AFF3: variants seen among roughly 807,000 people sequenced by gnomAD.
AFF3 encodes the protein AF4/FMR2 family member 3.
AFF3 carries 32 observed loss-of-function variants against 129.7 expected under a neutral mutation model. The observed-to-expected ratio is 0.25, with a 90% CI of 0.19 to 0.33. The LOEUF (loss-of-function observed/expected upper bound fraction) is 0.33, where lower values mean the gene tolerates loss of function less well. Ranked by LOEUF, AFF3 falls within the 10% of genes least tolerant of loss-of-function variation. AFF3 has a pLI of 1.00. For missense variants in AFF3, 1,373 were observed against 1,592.0 expected, an observed-to-expected ratio of 0.86 and a Z score of 2.34; for synonymous variants, 644 against 635.4, an observed-to-expected ratio of 1.01 and a Z score of -0.20.
In AFF3 at chr2:99,832,918, C is replaced by A. The variant is rs1688608068; in HGVS notation, c.921+4559G>T. On this transcript the variant is annotated intron_variant, in intron 8 of 24. Coordinates refer to ENST00000672756, the MANE Select transcript of AFF3 (RefSeq NM_001386135.1). Reference sequence around the variant, plus strand: ...ATGATGAAATCTTTGCTCTTGGAAACAAATGAAATAACTTATAAAGGAAAC... The same window carrying A: ...ATGATGAAATCTTTGCTCTTGGAAAAAAATGAAATAACTTATAAAGGAAAC... 2.6e-5 allele frequency among the ~76,000 whole-genome samples: 4 copies of A among 151,982 alleles called. No homozygotes were observed. The South Asian group carries it at 8.3e-4, about 31-fold the overall frequency.
chr2:99,994,370 A>G (rs1446319552), intron 7 of AFF3, among the ~76,000 whole-genome samples: 2 of 152,214 alleles, frequency 1.3e-5, no homozygotes, highest in Non-Finnish European at 2.9e-5. Flanking sequence ...AGAGGTAAAA[A>G]AAGTGAGACA....
chr2:99,755,600 T>A lies in AFF3; in HGVS notation c.922-3299A>T, dbSNP rs547650824. On this transcript the variant is annotated intron_variant, in intron 8 of 24. Transcript: ENST00000672756. ...TTTTTTAAAGGCAACTGGGCAATCT[T>A]ATGGGCACCCCCAAGCATTTCTTTT... is the stretch of plus-strand genomic sequence containing the variant. Among the ~76,000 whole-genome samples the A allele has an allele frequency of 7.9e-5, 12 of 152,242 alleles. No homozygotes were observed. In the South Asian group the frequency reaches 2.5e-3, roughly 32 times the overall value.
intron 4 of AFF3, among the ~76,000 whole-genome samples, chr2:100,011,096 A>G (rs1021391401): frequency 3.4e-4 from 51 of 152,094 alleles, no homozygotes; most frequent in Non-Finnish European, 6.3e-4. Context: ...AACACGGTGA[A>G]ACCCCATTTC....
At chr2:99,788,779 T>C (rs1373320161) in intron 8 of AFF3, among the ~76,000 whole-genome samples, 3 of 152,208 alleles carry the variant, frequency 2.0e-5, no homozygotes, top group African/African-American at 7.2e-5. Context: ...CAGAGCAACT[T>C]CCAGTCCTGT....
At chr2:99,968,444 G>A (rs1252491891) in intron 7 of AFF3, among the ~76,000 whole-genome samples, 1 of 152,198 alleles carries the variant, frequency 6.6e-6, no homozygotes, top group Non-Finnish European at 1.5e-5. Context: ...AATCATGCAA[G>A]ATGAAAGGAT....
chr2:99,675,929 A>T (rs1408403060), intron 11 of AFF3, among the ~76,000 whole-genome samples: 1 of 152,126 alleles, frequency 6.6e-6, no homozygotes, highest in African/African-American at 2.4e-5. Context: ...AGTAAAAGGA[A>T]GATGCAAATT....
intron 7 of AFF3, among the ~76,000 whole-genome samples, chr2:99,972,477 T>A (rs1358874905): frequency 6.6e-6 from 1 of 152,146 alleles, no homozygotes; most frequent in Non-Finnish European, 1.5e-5. Context: ...AGACAAAGAG[T>A]GACACCACAC....
At chr2:99,897,597 A>C (rs1295127680) in intron 7 of AFF3, among the ~76,000 whole-genome samples, 2 of 152,144 alleles carry the variant, frequency 1.3e-5, no homozygotes, top group African/African-American at 4.8e-5. Flanking sequence ...CCGGCTTCTT[A>C]TCTCACCTTG....
intron 7 of AFF3, among the ~76,000 whole-genome samples, chr2:99,963,738 G>T (rs550146638): frequency 6.6e-6 from 1 of 151,748 alleles, no homozygotes; most frequent in Non-Finnish European, 1.5e-5. Context: ...GAAGAATGAG[G>T]AGTCAGAAAA....
At chr2:99,939,857 G>T (rs1281142078) in intron 7 of AFF3, among the ~76,000 whole-genome samples, 1 of 152,150 alleles carries the variant, frequency 6.6e-6, no homozygotes, top group African/African-American at 2.4e-5. Flanking sequence ...TTTCCGCTGG[G>T]ATAGTTTTAA....
intron 7 of AFF3, among the ~76,000 whole-genome samples, chr2:99,912,448 C>A (rs1246598222): frequency 6.6e-6 from 1 of 152,166 alleles, no homozygotes; most frequent in African/African-American, 2.4e-5. Context: ...TACAACTATG[C>A]TGTATGTCCC....
intron 13 of AFF3, among the ~76,000 whole-genome samples, chr2:99,627,610 G>A (rs1575543890): frequency 6.6e-6 from 1 of 152,066 alleles, no homozygotes; most frequent in Non-Finnish European, 1.5e-5. Flanking sequence ...TGCTTTTATT[G>A]CAATTGCTTT....
intron 7 of AFF3, among the ~76,000 whole-genome samples, chr2:99,862,337 A>G (rs1691056869): frequency 1.3e-5 from 2 of 152,126 alleles, no homozygotes; most frequent in Non-Finnish European, 2.9e-5. Context: ...TCATCCATAG[A>G]TAATGTCCGG....
chr2:99,785,576 C>T (rs922943335), intron 8 of AFF3, among the ~76,000 whole-genome samples: 3 of 152,040 alleles, frequency 2.0e-5, no homozygotes, highest in South Asian at 2.1e-4. Context: ...TTTTATTTCC[C>T]CTTAGATTTC....
intron 10 of AFF3, among the ~76,000 whole-genome samples, chr2:99,734,719 T>C (rs1680108408): frequency 1.3e-5 from 2 of 152,104 alleles, no homozygotes; most frequent in African/African-American, 4.8e-5. Context: ...GTACAGTTTC[T>C]TAATTATGAG....
chr2:99,623,224 C>T (rs1040792930), intron 13 of AFF3, among the ~76,000 whole-genome samples: 1 of 151,480 alleles, frequency 6.6e-6, no homozygotes, highest in African/African-American at 2.4e-5. Flanking sequence ...ATCAGCTTCC[C>T]CATTCCTGGA....
intron 7 of AFF3, among the ~76,000 whole-genome samples, chr2:99,997,482 C>CA (rs975691837): frequency 1.3e-5 from 2 of 151,848 alleles, no homozygotes; most frequent in Admixed American, 1.3e-4. Context: ...ATCACCCCCC[C>CA]CCCAGATTAG....
chr2:99,695,554 G>A (rs1273218301), intron 11 of AFF3, among the ~76,000 whole-genome samples: 1 of 152,136 alleles, frequency 6.6e-6, no homozygotes, highest in African/African-American at 2.4e-5. Context: ...TCCTGTAAAA[G>A]CTCTGATTTT....
rs1330515838 is a variant in AFF3, at chr2:100,055,014, T to A, written c.54-46082A>T. On this transcript the variant is annotated intron_variant, in intron 4 of 24. Coordinates refer to ENST00000672756, the MANE Select transcript of AFF3 (RefSeq NM_001386135.1). ...CCTGCTTTCACTGTAATTATGTCAA[T>A]GTAGGCTGAGATTGCCTTGGTTGTT... Among the ~76,000 whole-genome samples, 6 of 152,228 alleles carry A rather than the reference T, an allele frequency of 3.9e-5. No homozygotes were observed. The South Asian group carries it at 1.0e-3, about 26-fold the overall frequency.
Sources: allele counts gnomAD v4.1 joint callset (sites outside exome capture counted in the v4.1 genomes callset), GRCh38; gene constraint gnomAD v4.1.1; transcripts MANE v1.5; gene names NCBI Gene and HGNC (gene_info 2026-07-23, HGNC 2026-07-21).